Variants in PDE9A observed in about 807,000 individuals in gnomAD.
The protein encoded by PDE9A is phosphodiesterase 9A.
PDE9A carries 60 observed loss-of-function variants against 87.4 expected under a neutral mutation model. The observed-to-expected ratio is 0.69, with a 90% CI of 0.56 to 0.85. PDE9A has a LOEUF of 0.85. Ranked by LOEUF, PDE9A falls within the 40% of genes least tolerant of loss-of-function variation. The pLI is 0.00. For synonymous variants in PDE9A, 272 were observed against 279.4 expected, an observed-to-expected ratio of 0.97 and a Z score of 0.27; for missense variants, 665 against 779.0, an observed-to-expected ratio of 0.85 and a Z score of 1.74.
intron 4 of PDE9A, among the ~76,000 whole-genome samples, chr21:42,699,569 A>T (rs58944137): frequency 0.53 from 76,920 of 146,378 alleles, 20,862 homozygotes; most frequent in African/African-American, 0.7. Flanking sequence ...TTTTTTTTTA[A>T]AAAAAAACGG....
intron 10 of PDE9A, chr21:42,758,700 T>C (rs2055339289): frequency 2.7e-6 from 1 of 371,004 alleles, no homozygotes; most frequent in Non-Finnish European, 5.0e-6. Context: ...GTCGCTGTCC[T>C]AAGAATTCTC....
rs201944201 is a variant in PDE9A at position 42,740,573 on chromosome 21, AGATGGATGGGTG to A, written c.569-3193_569-3182del. Among the ~76,000 whole-genome samples the A allele has an allele frequency of 1.7e-3, 151 of 90,250 alleles. 1 individual carries two copies. Among genetic ancestry groups the A allele is most frequent in the Middle Eastern group, 7.5e-3 (1 of 134 alleles). 59.2% of individuals were successfully genotyped at this position (90,250 alleles called of 152,430 possible). ...AGATACATAAATATGATGAATGCAT[AGATGGATGGGTG>A]GATGGATGGATGGATGGATGGATGG... On this transcript the variant is annotated intron_variant, in intron 7 of 19. Coordinates refer to ENST00000291539, the MANE Select transcript of PDE9A (RefSeq NM_002606.3).
intron 18 of PDE9A, 127 bp downstream of exon 18, chr21:42,770,925 G>C (rs1019399542): frequency 4.6e-6 from 3 of 655,674 alleles, no homozygotes; most frequent in Admixed American, 5.2e-5. Context: ...ACAGGCACAC[G>C]TGTACCTTCC....
intron 1 of PDE9A, among the ~76,000 whole-genome samples, chr21:42,661,490 T>C (rs773135036): frequency 2.1e-5 from 3 of 142,254 alleles, no homozygotes; most frequent in Non-Finnish European, 4.5e-5. Context: ...TCACACAGGA[T>C]CGCCCTGCTG....
intron 9 of PDE9A, among the ~76,000 whole-genome samples, chr21:42,752,703 C>A (rs2054565979): frequency 6.6e-6 from 1 of 152,188 alleles, no homozygotes; most frequent in Admixed American, 6.5e-5. Flanking sequence ...CAGATCTGTC[C>A]CCTTACAAAA....
At chr21:42,770,497 G>A (rs1259144224) in intron 17 of PDE9A, among the ~76,000 whole-genome samples, 1 of 152,144 alleles carries the variant, frequency 6.6e-6, no homozygotes, top group Non-Finnish European at 1.5e-5. Flanking sequence ...GGCAGGAAGG[G>A]GACTTTCTGT....
At chr21:42,667,115 C>G (rs772663398) in intron 1 of PDE9A, among the ~76,000 whole-genome samples, 9 of 152,096 alleles carry the variant, frequency 5.9e-5, no homozygotes, top group Non-Finnish European at 1.3e-4. Context: ...GGGTGAAGGG[C>G]CATGCTGGCG....
At chr21:42,654,708 C>T (rs1954005962) in intron 1 of PDE9A, among the ~76,000 whole-genome samples, 1 of 152,214 alleles carries the variant, frequency 6.6e-6, no homozygotes, top group Admixed American at 6.5e-5. Flanking sequence ...ATGCCCCAGC[C>T]AGGCACAGAG....
At chr21:42,746,303 CAT>C (rs2053842791) in intron 8 of PDE9A, among the ~76,000 whole-genome samples, 1 of 152,326 alleles carries the variant, frequency 6.6e-6, no homozygotes, top group Admixed American at 6.5e-5. Context: ...AACGAATTCT[CAT>C]AAACTGGGCA....
chr21:42,724,329 T>C (rs898983601), intron 4 of PDE9A, among the ~76,000 whole-genome samples: 5 of 152,202 alleles, frequency 3.3e-5, no homozygotes, highest in African/African-American at 4.8e-5. Flanking sequence ...AGGCAGGGCT[T>C]ACGTGGCCAG....
chr21:42,701,173 TA>T (rs2048349408), intron 4 of PDE9A: 1 of 152,198 alleles, frequency 6.6e-6, no homozygotes, highest in South Asian at 2.1e-4. Context: ...ATGAAGTACT[TA>T]ATAAATACTG....
intron 18 of PDE9A, 145 bp downstream of exon 18, chr21:42,770,943 A>G: frequency 1.6e-6 from 1 of 622,304 alleles, no homozygotes; most frequent in Non-Finnish European, 2.9e-6. Context: ...TCCATCAGAA[A>G]GCCTGGCTCA....
chr21:42,730,717 T>C (rs1243499870), intron 4 of PDE9A, among the ~76,000 whole-genome samples: 2 of 152,228 alleles, frequency 1.3e-5, no homozygotes, highest in Non-Finnish European at 2.9e-5. Flanking sequence ...ATTCCAGATA[T>C]ATGTCTGATG....
intron 1 of PDE9A, among the ~76,000 whole-genome samples, chr21:42,654,334 AG>A (rs1420254443): frequency 6.6e-6 from 1 of 151,836 alleles, no homozygotes; most frequent in African/African-American, 2.4e-5. Flanking sequence ...CCGACTGCAG[AG>A]GGGGACTCGG....
rs571332887 is a variant in PDE9A, at chr21:42,714,407, G to A, written c.262+15396G>A. Among the ~76,000 whole-genome samples, 3 of 152,350 alleles carry A rather than the reference G, an allele frequency of 2.0e-5. No homozygotes were observed. In the South Asian group the frequency reaches 6.2e-4, roughly 32 times the overall value. ...CCCAGATGGTGAGCAGAGCCCCCAAGTCTTTGTTGATATGGTTGGGGTTAG... is the reference window on the plus strand; with the variant it reads ...CCCAGATGGTGAGCAGAGCCCCCAAATCTTTGTTGATATGGTTGGGGTTAG... On this transcript the variant is annotated intron_variant, in intron 4 of 19. Transcript: ENST00000291539.
rs531043944 is a variant in PDE9A at position 42,680,475 on chromosome 21, G to C, written c.70-5717G>C. ...GAAGGGGTGATCTAGAGGGACTTTT[G>C]TCAGAAAGACCCCCACCCAGCCAAT... On this transcript the variant is annotated intron_variant, in intron 1 of 19. Coordinates refer to ENST00000291539, the MANE Select transcript of PDE9A (RefSeq NM_002606.3). Among the ~76,000 whole-genome samples the C allele has an allele frequency of 7.9e-5, 12 of 152,322 alleles. No homozygotes were observed. The South Asian group carries it at 2.1e-3, about 26-fold the overall frequency.
chr21:42,761,693 G>A (rs545586507), intron 13 of PDE9A, among the ~76,000 whole-genome samples: 4 of 152,302 alleles, frequency 2.6e-5, no homozygotes, highest in African/African-American at 9.6e-5. Context: ...CACACTCACA[G>A]TGGCCGGCAC....
rs781681040 is a variant in PDE9A, at chr21:42,653,908, C to A, written c.69+25C>A. The A allele has an allele frequency of 4.5e-5, 61 of 1,350,204 alleles. No homozygotes were observed. The Middle Eastern group carries it at 1.3e-3, about 28-fold the overall frequency. 83.6% of individuals were successfully genotyped at this position (1,350,204 alleles called of 1,614,324 possible). ...GGTAGCCCCTCCCCCACCCAGACAC[C>A]CCCTCCTCCCCCCGGGTGACAGCGC... is the stretch of plus-strand genomic sequence containing the variant. On this transcript the variant is annotated intron_variant, in intron 1 of 19. Transcript: ENST00000291539.
At chr21:42,732,234 C>CTCA in intron 6 of PDE9A, 110 bp downstream of exon 6, 1 of 1,043,924 alleles carries the variant, frequency 9.6e-7, no homozygotes, top group Non-Finnish European at 1.4e-6. Flanking sequence ...GCGTGGCTGT[C>CTCA]TCACCTGCCT....
Sources: allele counts gnomAD v4.1 joint callset (sites outside exome capture counted in the v4.1 genomes callset), GRCh38; gene constraint gnomAD v4.1.1; transcripts MANE v1.5; gene names NCBI Gene and HGNC (gene_info 2026-07-23, HGNC 2026-07-21).